FH: variants seen among roughly 807,000 people sequenced by gnomAD.
The protein encoded by FH is fumarate hydratase, mitochondrial.
FH carries 22 observed loss-of-function variants against 49.4 expected under a neutral mutation model. The observed-to-expected ratio is 0.45, with a 90% CI of 0.32 to 0.64. The LOEUF (loss-of-function observed/expected upper bound fraction) is 0.64, where lower values mean the gene tolerates loss of function less well. FH is among the 30% of genes least tolerant of loss of function. The probability of loss-of-function intolerance (pLI) is 0.05; values close to 1 mark genes in which losing one functional copy is unlikely to be tolerated. For missense variants in FH, 526 were observed against 641.5 expected (o/e 0.82, Z 1.95); for synonymous variants, 208 against 223.0 (o/e 0.93, Z 0.60).
At chr1:241,510,622 T>C (rs1660059892) in intron 4 of FH, among the ~76,000 whole-genome samples, 1 of 152,232 alleles carries the variant, frequency 6.6e-6, no homozygotes, top group Non-Finnish European at 1.5e-5. Context: ...TTGCTGTAGA[T>C]AAGATTCCCT....
chr1:241,508,652 TTGA>T lies in FH; in HGVS notation c.686_688del (p.Ile229del). ...ATCCTGAGTATGAGTACGTCCAATC[TTGA>T]TGATCTGTGCAAACTCTTTGGATTT... On this transcript the variant is annotated inframe_deletion, in exon 5 of 10. Transcript: ENST00000366560. The T allele has an allele frequency of 1.2e-6, 2 of 1,613,938 alleles. No homozygotes were observed. The highest frequency in any genetic ancestry group is 1.7e-6 in the Non-Finnish European group (2 of 1,179,852).
In FH at chr1:241,512,155, A is replaced by G. The variant is rs774317940; in HGVS notation, c.379-12T>C. 3.7e-6 allele frequency: 6 copies of G among 1,610,778 alleles called. No individual in the cohort carries two copies. Among genetic ancestry groups the G allele is most frequent in the East Asian group, 2.2e-5 (1 of 44,850 alleles). ...TTACCTTCAGCTACCTGCAGAAAAA[A>G]TGTTAAAAATGTATTTTAAAAAAGG... is the stretch of plus-strand genomic sequence containing the variant. On this transcript the variant is annotated splice_polypyrimidine_tract_variant and intron_variant, in intron 3 of 9. Transcript: ENST00000366560.
chr1:241,513,847 G>T, intron 2 of FH, 134 bp from the exon 3 acceptor site: 1 of 682,774 alleles, frequency 1.5e-6, no homozygotes. Flanking sequence ...AAAATGTTTC[G>T]GTTATAGAGA....
At chr1:241,499,845 GTA>G (rs1427027502) in intron 9 of FH, among the ~76,000 whole-genome samples, 9 of 152,126 alleles carry the variant, frequency 5.9e-5, no homozygotes, top group African/African-American at 2.2e-4. Context: ...ACCCAAATCT[GTA>G]TGTTTGATTC....
In FH at chr1:241,500,602, T is replaced by TGAGTGAGAGA. The variant is rs1553340724; in HGVS notation, c.1237-13_1237-12insTCTCTCACTC. 2.5e-5 allele frequency: 37 copies of TGAGTGAGAGA among 1,490,618 alleles called. No homozygotes were observed. The East Asian group carries it at 3.3e-4, about 13-fold the overall frequency. 92.3% of individuals were successfully genotyped at this position (1,490,618 alleles called of 1,614,324 possible). On this transcript the variant is annotated splice_polypyrimidine_tract_variant and intron_variant, in intron 8 of 9. Coordinates refer to ENST00000366560, the MANE Select transcript of FH (RefSeq NM_000143.4). ...AACACATTTTTAATCTTTGAGTGAG[T>TGAGTGAGAGA]GAGAGAGAGAGAGAGAGAGAGAGAG...
rs1029743950 is a variant in FH at position 241,513,642 on chromosome 1, A to T, written c.339T>A (p.Asp113Glu). Residue 113 changes from aspartate to glutamate, a missense_variant, in exon 3 of 10, where the codon GAT (aspartate) becomes GAA (glutamate). Asp to Glu is a conservative substitution (Grantham distance 45, BLOSUM62 2). Around this residue, in one of 2 missense-constraint regions of FH, gnomAD observed 383 missense variants for 514.0 expected, o/e 0.75. Coordinates refer to ENST00000366560, the MANE Select transcript of FH (RefSeq NM_000143.4). ...AAEVNQDYGL[D>E]PKIANAIMKA... ...TCATTATTGCATTAGCAATCTTTGG[A>T]TCAAGACCATAATCCTGGTTTACTT... The T allele has an allele frequency of 1.9e-6, 3 of 1,613,988 alleles. No individual in the cohort carries two copies. Among genetic ancestry groups the T allele is most frequent in the Non-Finnish European group, 2.5e-6 (3 of 1,179,982 alleles).
At position 241,502,449 on chromosome 1, in the gene FH, T is replaced by G; in HGVS notation, c.1230A>C (p.Pro410=). ...AATCAGATTTAAAGCTTACCATCAT[T>G]GGCTTGAAAACATTCAACTCAAAAT... The part of the protein sequence containing the change: ...NGHFELNVFK[P]MMIKNVLHSA... Residue 410 remains proline (P), a synonymous_variant, in exon 8 of 10, where the codon CCA becomes CCC. Transcript: ENST00000366560. 1 of 1,614,062 alleles carries G rather than the reference T, an allele frequency of 6.2e-7. No homozygotes were observed. Among genetic ancestry groups the G allele is most frequent in the East Asian group, 2.2e-5 (1 of 44,874 alleles).
rs368166243 is a variant in FH at position 241,514,319 on chromosome 1, A to G, written c.268-606T>C. Among the ~76,000 whole-genome samples the G allele has an allele frequency of 2.2e-4, 33 of 152,342 alleles. No homozygotes were observed. In the South Asian group the frequency reaches 4.3e-3, roughly 20 times the overall value. Reference sequence around the variant, plus strand: ...CAGTAACTCCCTGGACATTTCTCTCAGAAGAATTATTTTTTTAAACCCAAG... The same window carrying G: ...CAGTAACTCCCTGGACATTTCTCTCGGAAGAATTATTTTTTTAAACCCAAG... On this transcript the variant is annotated intron_variant, in intron 2 of 9. Coordinates refer to ENST00000366560, the MANE Select transcript of FH (RefSeq NM_000143.4).
At chr1:241,515,015 A>G (rs1473465384) in intron 2 of FH, among the ~76,000 whole-genome samples, 1 of 152,224 alleles carries the variant, frequency 6.6e-6, no homozygotes, top group African/African-American at 2.4e-5. Context: ...CACAGCAGAA[A>G]GAGGTTCAAC....
intron 6 of FH, among the ~76,000 whole-genome samples, chr1:241,505,051 G>A (rs1278177310): frequency 2.0e-5 from 3 of 151,526 alleles, no homozygotes; most frequent in African/African-American, 7.3e-5. Context: ...TGGGGTTACA[G>A]GCGCCCGCCA....
chr1:241,508,462 T>C (rs1659984489), intron 5 of FH, 141 bp downstream of exon 5: 1 of 713,772 alleles, frequency 1.4e-6, no homozygotes, highest in East Asian at 2.7e-5. Context: ...TGAAAATTAC[T>C]GATTGGTTGA....
rs1660094654 is a variant in FH, at chr1:241,511,964, G to T, written c.555+3C>A. 3 of 1,613,682 alleles carry T rather than the reference G, an allele frequency of 1.9e-6. No individual in the cohort carries two copies. The South Asian group carries it at 3.3e-5, about 18-fold the overall frequency. Reference sequence around the variant, plus strand: ...CAAAAAACAGCAAAGCTCACATACTGACCTGGCTTTTATTAACATGATCGT... The same window carrying T: ...CAAAAAACAGCAAAGCTCACATACTTACCTGGCTTTTATTAACATGATCGT... On this transcript the variant is annotated splice_donor_region_variant and intron_variant, in intron 4 of 9. Transcript: ENST00000366560.
At chr1:241,512,585 G>A (rs948876173) in intron 3 of FH, among the ~76,000 whole-genome samples, 1 of 152,160 alleles carries the variant, frequency 6.6e-6, no homozygotes, top group Non-Finnish European at 1.5e-5. Flanking sequence ...AATAAACGCT[G>A]CCCAGATTTG....
At chr1:241,500,251 A>G (rs1462407772) in intron 9 of FH, among the ~76,000 whole-genome samples, 186 bp downstream of exon 9, 3 of 152,216 alleles carry the variant, frequency 2.0e-5, no homozygotes, top group Non-Finnish European at 4.4e-5. Flanking sequence ...CTAGTTTTGA[A>G]AGAACTATGA....
In FH at chr1:241,519,690, C is replaced by T. The variant is rs200542051; in HGVS notation, c.33G>A (p.Ser11=). 2 of 1,546,794 alleles carry T rather than the reference C, an allele frequency of 1.3e-6. No individual in the cohort carries two copies. The highest frequency in any genetic ancestry group is 3.9e-5 in the Admixed American group (2 of 50,870). The part of the protein sequence containing the change: MYRALRLLAR[S]RPLVRAPAAA... ...CGGCTGGAGCCCGCACGAGGGGACG[C>T]GAGCGCGCGAGGAGCCGAAGTGCTC... Residue 11 remains serine (S), a synonymous_variant, in exon 1 of 10, where the codon TCG becomes TCA. Coordinates refer to ENST00000366560, the MANE Select transcript of FH (RefSeq NM_000143.4).
chr1:241,498,522 T>TGCA (rs1006789531), intron 9 of FH, among the ~76,000 whole-genome samples: 6 of 151,302 alleles, frequency 4.0e-5, no homozygotes, highest in Non-Finnish European at 4.4e-5. Flanking sequence ...GGCTCTCCAC[T>TGCA]GCAATGGCTT....
chr1:241,503,891 C>G, intron 7 of FH, 151 bp downstream of exon 7: 2 of 825,438 alleles, frequency 2.4e-6, no homozygotes, highest in Non-Finnish European at 4.0e-6. Context: ...GCCCAGCAGT[C>G]CTGACCAGAG....
chr1:241,511,879 G>T, intron 4 of FH, 88 bp downstream of exon 4: 2 of 1,307,350 alleles, frequency 1.5e-6, no homozygotes, highest in Non-Finnish European at 2.2e-6. Context: ...AACACTTCTT[G>T]TCAAAAAGTG....
chr1:241,516,224 A>G (rs926784877), intron 2 of FH, among the ~76,000 whole-genome samples: 9 of 152,210 alleles, frequency 5.9e-5, no homozygotes, highest in Non-Finnish European at 1.2e-4. Context: ...TAAAAATCCA[A>G]AATAACTATT....
Sources: gnomAD v4.1 joint callset for allele counts (sites outside exome capture counted in the v4.1 genomes callset) on GRCh38, gnomAD v4.1.1 for gene constraint, gnomAD v4.1.1 regional missense constraint, MANE v1.5 for transcripts, NCBI Gene and HGNC (gene_info 2026-07-23, HGNC 2026-07-21) for gene names.